Variants in LRP1 observed in about 807,000 individuals in gnomAD.
LRP1 encodes LDL receptor related protein 1.
In LRP1, 51 loss-of-function variants were observed where a neutral mutation model predicts 541.5. The ratio of observed to expected loss-of-function variants is 0.09; its 90% CI spans 0.08 to 0.12. The LOEUF is 0.12. Among genes scored for constraint, LRP1 ranks in the 10% least tolerant of loss-of-function variants. The pLI is 1.00. For missense variants in LRP1, 3,878 were observed against 6,376.2 expected, an observed-to-expected ratio of 0.61 and a Z score of 13.34; for synonymous variants, 2,219 against 2,470.8, an observed-to-expected ratio of 0.90 and a Z score of 3.02.
At chr12:57,191,180 C>G (rs2036370678) in intron 43 of LRP1, 140 bp from the exon 44 acceptor site, 1 of 1,108,888 alleles carries the variant, frequency 9.0e-7, no homozygotes, top group Non-Finnish European at 1.3e-6. Flanking sequence ...TGCTCCTCAT[C>G]AGCTAGACGA....
rs769741036 is a variant in LRP1, at chr12:57,184,129, G to A, written c.5974G>A (p.Ala1992Thr). 8.7e-6 allele frequency: 14 copies of A among 1,613,974 alleles called. No homozygotes were observed. The highest frequency in any genetic ancestry group is 2.2e-5 in the East Asian group (1 of 44,890). The change falls in exon 37 of 89, where the codon GCC becomes ACC. Residue 1992 changes from alanine (A) to threonine (T), a missense_variant. Physicochemically the swap from Ala to Thr is moderately conservative, Grantham distance 58. Coordinates refer to ENST00000243077, the MANE Select transcript of LRP1 (RefSeq NM_002332.3). The surrounding 1 kb of genome is among the most constrained non-coding windows in gnomAD (Gnocchi z 7.8). ...CCAGGGCTTTGATGTCATCGAGGTC[G>A]CCCGGCTCAATGGCTCCTTCCGCTA... ...TDQGFDVIEV[A>T]RLNGSFRYVV... is the part of the protein sequence containing the mutation.
chr12:57,201,172 G>C lies in LRP1; in HGVS notation c.10345+19G>C, dbSNP rs11172124. 1.8e-5 allele frequency: 29 copies of C among 1,612,874 alleles called. No individual in the cohort carries two copies. Among genetic ancestry groups the C allele is most frequent in the Non-Finnish European group, 2.4e-5 (28 of 1,179,230 alleles). On this transcript the variant is annotated intron_variant, in intron 65 of 88. Transcript: ENST00000243077. This position sits in a 1 kb window ranked among gnomAD's most constrained non-coding sequence, Gnocchi z 6.4. ...GACTGCCGTGAGTGTCAGAGGTGGTGGTGGGCCGGTGGTGGGAGATGACAC... is the reference window on the plus strand; with the variant it reads ...GACTGCCGTGAGTGTCAGAGGTGGTCGTGGGCCGGTGGTGGGAGATGACAC...
chr12:57,196,561 T>A (rs980305605), intron 55 of LRP1, among the ~76,000 whole-genome samples: 2 of 151,916 alleles, frequency 1.3e-5, no homozygotes, highest in Admixed American at 6.6e-5. Flanking sequence ...GAGAGGGAAG[T>A]CTGGGAGTTA....
intron 6 of LRP1, among the ~76,000 whole-genome samples, chr12:57,150,789 G>A (rs2136670346): frequency 6.6e-6 from 1 of 152,354 alleles, no homozygotes; most frequent in East Asian, 1.9e-4. Flanking sequence ...AGGAAACAGA[G>A]ACTCAGAGGC....
chr12:57,176,100 A>G lies in LRP1; in HGVS notation c.3985A>G (p.Asn1329Asp). 1 of 1,613,848 alleles carries G rather than the reference A, an allele frequency of 6.2e-7. No homozygotes were observed. Among genetic ancestry groups the G allele is most frequent in the South Asian group, 1.1e-5 (1 of 91,084 alleles). ...DKIYRGKLLD[N>D]GALTSFEVVI... ...GATCTACCGCGGGAAGCTGCTGGAC[A>G]ACGGAGGTGACCACCGATTGCTGCC... Residue 1329 changes from asparagine (N) to aspartate (D), a missense_variant, in exon 24 of 89, where the codon AAC (asparagine) becomes GAC (aspartate). Physicochemically the swap from Asn to Asp is conservative, Grantham distance 23 (BLOSUM62 1). Around this residue, in one of 13 missense-constraint regions of LRP1, gnomAD observed 320 missense variants for 547.9 expected, o/e 0.58. Transcript: ENST00000243077.
chr12:57,169,827 T>G (rs2035911491), intron 20 of LRP1, among the ~76,000 whole-genome samples: 1 of 152,240 alleles, frequency 6.6e-6, no homozygotes, highest in Non-Finnish European at 1.5e-5. Flanking sequence ...CCCTGGCCTC[T>G]GGGGCCCAGC....
At chr12:57,134,013 A>G (rs1777048815) in intron 1 of LRP1, among the ~76,000 whole-genome samples, 2 of 152,040 alleles carry the variant, frequency 1.3e-5, no homozygotes, top group South Asian at 4.2e-4. Context: ...ATGACAGCCA[A>G]GGGTCAAGCA....
chr12:57,183,833 G>A lies in LRP1; in HGVS notation c.5853G>A (p.Arg1951=). The A allele has an allele frequency of 6.2e-7, 1 of 1,614,210 alleles. No individual in the cohort carries two copies. Among genetic ancestry groups the A allele is most frequent in the Admixed American group, 1.7e-5 (1 of 60,038 alleles). ...MGLSTISRAK[R]DQTWREDVVT... ...TGAGCACGATCAGCCGGGCCAAGCG[G>A]GACCAGACGTGGCGTGAAGACGTGG... Residue 1951 remains arginine, a synonymous_variant, in exon 36 of 89, where the codon CGG becomes CGA. Transcript: ENST00000243077. The surrounding 1 kb of genome is among the most constrained non-coding windows in gnomAD (Gnocchi z 6.1).
Position 57,184,768 on chromosome 12 carries a change from C to T in LRP1, c.6187-71C>T, listed in dbSNP as rs889958815. 7 of 1,530,544 alleles carry T rather than the reference C, an allele frequency of 4.6e-6. No homozygotes were observed. Among genetic ancestry groups the T allele is most frequent in the Non-Finnish European group, 4.4e-6 (5 of 1,126,074 alleles). The allele number at this position is 1,530,544 out of a possible 1,614,324, so 94.8% of individuals were successfully genotyped here. A position where few individuals can be genotyped will look rare whatever the true frequency, so the allele number is the denominator to read the frequency against. On this transcript the variant is annotated intron_variant, in intron 38 of 88. Coordinates refer to ENST00000243077, the MANE Select transcript of LRP1 (RefSeq NM_002332.3). The surrounding 1 kb of genome is among the most constrained non-coding windows in gnomAD (Gnocchi z 7.8). Reference sequence around the variant, plus strand: ...GGGCCTCACTCTGGCCCAGGCACTCCCTGCTGCCCCAGACATGGGGCTGGC... The same window carrying T: ...GGGCCTCACTCTGGCCCAGGCACTCTCTGCTGCCCCAGACATGGGGCTGGC...
intron 17 of LRP1, 123 bp from the exon 18 acceptor site, chr12:57,166,807 C>CT: frequency 1.5e-6 from 1 of 683,942 alleles, no homozygotes; most frequent in Non-Finnish European, 2.6e-6. Flanking sequence ...TTTGAATTCT[C>CT]TAAGAGAAAT....
rs2036650630 is a variant in LRP1 at position 57,201,363 on chromosome 12, G to A, written c.10346-134G>A. 1 of 1,419,330 alleles carries A rather than the reference G, an allele frequency of 7.0e-7. No homozygotes were observed. The highest frequency in any genetic ancestry group is 1.4e-5 in the South Asian group (1 of 72,078). 87.9% of individuals were successfully genotyped at this position (1,419,330 alleles called of 1,614,324 possible). On this transcript the variant is annotated intron_variant, in intron 65 of 88. Coordinates refer to ENST00000243077, the MANE Select transcript of LRP1 (RefSeq NM_002332.3). The surrounding 1 kb of genome is among the most constrained non-coding windows in gnomAD (Gnocchi z 6.4). ...AGAAAACAAAAAGCACCAAAACTGG[G>A]GATAAACTGTTCCTTCCTCCGAAGA...
At chr12:57,142,149 C>T (rs975856513) in intron 3 of LRP1, among the ~76,000 whole-genome samples, 1 of 152,022 alleles carries the variant, frequency 6.6e-6, no homozygotes, top group Non-Finnish European at 1.5e-5. Flanking sequence ...AGTCTTTCCC[C>T]CAAAGGGCCC....
intron 67 of LRP1, among the ~76,000 whole-genome samples, 160 bp from the exon 68 acceptor site, chr12:57,202,261 T>C (rs1592658405): frequency 6.6e-6 from 1 of 152,142 alleles, no homozygotes; most frequent in East Asian, 1.9e-4. Context: ...AACCTCCTTA[T>C]AGACCCCACG....
chr12:57,174,039 G>A, intron 22 of LRP1, 59 bp downstream of exon 22: 1 of 1,552,512 alleles, frequency 6.4e-7, no homozygotes, highest in Non-Finnish European at 8.8e-7. Context: ...TCTGGGCCAA[G>A]GACAGTCTTT....
chr12:57,167,334 G>T, intron 18 of LRP1, 110 bp from the exon 19 acceptor site: 1 of 827,622 alleles, frequency 1.2e-6, no homozygotes, highest in South Asian at 1.5e-5. Context: ...CACCCTTCCT[G>T]ACTGGGCTAA....
At chr12:57,133,496 C>G (rs1034188721) in intron 1 of LRP1, among the ~76,000 whole-genome samples, 5 of 152,096 alleles carry the variant, frequency 3.3e-5, no homozygotes, top group African/African-American at 1.2e-4. Context: ...CAGGAAAGAG[C>G]CACTGGGCAA....
intron 2 of LRP1, among the ~76,000 whole-genome samples, chr12:57,141,138 G>A (rs2035281567): frequency 6.6e-6 from 1 of 152,174 alleles, no homozygotes; most frequent in South Asian, 2.1e-4. Context: ...TGGGAATGGG[G>A]CATTTGGAGG....
At chr12:57,143,512 C>A (rs775586424) in intron 3 of LRP1, among the ~76,000 whole-genome samples, 167 bp from the exon 4 acceptor site, 19 of 152,216 alleles carry the variant, frequency 1.2e-4, no homozygotes, top group Non-Finnish European at 2.8e-4. Flanking sequence ...GCTTCAGTTT[C>A]TTCACTTGTG....
intron 2 of LRP1, among the ~76,000 whole-genome samples, chr12:57,141,146 A>G (rs996018123): frequency 6.6e-6 from 1 of 152,108 alleles, no homozygotes; most frequent in African/African-American, 2.4e-5. Context: ...GGGCATTTGG[A>G]GGGTGGACTC....
Sources: allele counts gnomAD v4.1 joint callset (sites outside exome capture counted in the v4.1 genomes callset), GRCh38; gene constraint gnomAD v4.1.1; regional missense constraint gnomAD v4.1.1; non-coding constraint Gnocchi (gnomAD v3.1); transcripts MANE v1.5; gene names NCBI Gene and HGNC (gene_info 2026-07-23, HGNC 2026-07-21).